Variants in ARHGAP24 observed in about 807,000 individuals in gnomAD.
ARHGAP24 encodes Rho GTPase activating protein 24.
ARHGAP24 carries 50 observed loss-of-function variants against 76.4 expected under a neutral mutation model. The ratio of observed to expected loss-of-function variants is 0.65; its 90% CI spans 0.52 to 0.83. ARHGAP24 has a LOEUF of 0.83. Ranked by LOEUF, ARHGAP24 falls within the 40% of genes least tolerant of loss-of-function variation. The probability of loss-of-function intolerance (pLI) is 0.00; values close to 1 mark genes in which losing one functional copy is unlikely to be tolerated. For missense variants in ARHGAP24, 930 were observed against 914.2 expected, an observed-to-expected ratio of 1.02 and a Z score of -0.22; for synonymous variants, 345 against 323.3, an observed-to-expected ratio of 1.07 and a Z score of -0.72.
chr4:85,686,829 A>C (rs995553038), intron 2 of ARHGAP24, among the ~76,000 whole-genome samples: 4 of 141,632 alleles, frequency 2.8e-5, no homozygotes, highest in African/African-American at 1.0e-4. Context: ...CACAATTATA[A>C]CATTGTATTA....
chr4:85,529,443 C>G (rs1484067004), intron 1 of ARHGAP24, among the ~76,000 whole-genome samples: 5 of 151,986 alleles, frequency 3.3e-5, no homozygotes, highest in African/African-American at 1.2e-4. Flanking sequence ...TGTCGGAGAA[C>G]CTACTGAAGT....
At chr4:85,816,203 C>A (rs1366299569) in intron 3 of ARHGAP24, among the ~76,000 whole-genome samples, 1 of 152,206 alleles carries the variant, frequency 6.6e-6, no homozygotes, top group East Asian at 1.9e-4. Flanking sequence ...TTCAAGTACA[C>A]ACTAGAGTGT....
At chr4:85,849,041 A>G (rs1359740698) in intron 3 of ARHGAP24, among the ~76,000 whole-genome samples, 2 of 148,744 alleles carry the variant, frequency 1.3e-5, no homozygotes, top group African/African-American at 4.9e-5. Context: ...CTTGGGCAGT[A>G]TGGCCATTTT....
intron 2 of ARHGAP24, among the ~76,000 whole-genome samples, chr4:85,598,441 T>C (rs913879658): frequency 6.6e-6 from 1 of 152,048 alleles, no homozygotes; most frequent in Non-Finnish European, 1.5e-5. Flanking sequence ...AATGGGTAAA[T>C]TTCTCTTCCC....
intron 1 of ARHGAP24, among the ~76,000 whole-genome samples, chr4:85,515,511 T>TATATATATATATATATAGTTAC: frequency 6.6e-6 from 1 of 151,694 alleles, no homozygotes. Flanking sequence ...TATATTCTTA[T>TATATATATATATATATAGTTAC]TCTTTTTTAT....
At chr4:85,836,485 A>C (rs559166159) in intron 3 of ARHGAP24, among the ~76,000 whole-genome samples, 1 of 152,192 alleles carries the variant, frequency 6.6e-6, no homozygotes, top group African/African-American at 2.4e-5. Flanking sequence ...CTGTCTTCCT[A>C]TGTTTCTCAA....
intron 1 of ARHGAP24, among the ~76,000 whole-genome samples, chr4:85,533,332 A>G (rs978852438): frequency 6.6e-6 from 1 of 152,212 alleles, no homozygotes; most frequent in African/African-American, 2.4e-5. Flanking sequence ...CTAGATAAGT[A>G]TACTTTGGTG....
chr4:85,759,964 G>A (rs911321970), intron 3 of ARHGAP24, among the ~76,000 whole-genome samples: 2 of 152,130 alleles, frequency 1.3e-5, no homozygotes, highest in South Asian at 2.1e-4. Context: ...AAGAAAACGT[G>A]TCTCATTAAC....
intron 3 of ARHGAP24, among the ~76,000 whole-genome samples, chr4:85,866,459 T>G (rs1344860411): frequency 6.6e-6 from 1 of 152,118 alleles, no homozygotes; most frequent in Non-Finnish European, 1.5e-5. Context: ...TTGTTTTGTT[T>G]CCCCCACATG....
chr4:85,768,354 CAG>C (rs1727005958), intron 3 of ARHGAP24, among the ~76,000 whole-genome samples: 1 of 152,030 alleles, frequency 6.6e-6, no homozygotes, highest in Non-Finnish European at 1.5e-5. Context: ...AGCTCAAAGA[CAG>C]AGTGATAATA....
chr4:85,988,202 A>G (rs922183499), intron 8 of ARHGAP24, among the ~76,000 whole-genome samples: 1 of 151,916 alleles, frequency 6.6e-6, no homozygotes, highest in Non-Finnish European at 1.5e-5. Flanking sequence ...CAGAAGGAAT[A>G]TGAGTCCAGA....
chr4:85,488,375 C>A (rs964121212), intron 1 of ARHGAP24, among the ~76,000 whole-genome samples: 3 of 152,066 alleles, frequency 2.0e-5, no homozygotes. Flanking sequence ...AATAAAAAGT[C>A]TTTTAATCTT....
chr4:85,661,528 TA>T (rs2109992347), intron 2 of ARHGAP24, among the ~76,000 whole-genome samples: 1 of 152,318 alleles, frequency 6.6e-6, no homozygotes, highest in African/African-American at 2.4e-5. Flanking sequence ...CTTTTTTTTT[TA>T]ATTATACTTT....
At chr4:85,577,077 T>G (rs1356681109) in intron 2 of ARHGAP24, among the ~76,000 whole-genome samples, 1 of 151,604 alleles carries the variant, frequency 6.6e-6, no homozygotes, top group East Asian at 1.9e-4. Context: ...TAAATTAATA[T>G]GAGAAAAATA....
chr4:85,501,414 A>G (rs11097057), intron 1 of ARHGAP24, among the ~76,000 whole-genome samples: 147,301 of 152,312 alleles, frequency 0.97, 71,392 homozygotes, highest in East Asian at 1. Flanking sequence ...GATGATGGCC[A>G]TTCTAACTGG....
At chr4:85,961,989 TAGGC>T (rs1355825411) in intron 5 of ARHGAP24, among the ~76,000 whole-genome samples, 2 of 152,100 alleles carry the variant, frequency 1.3e-5, no homozygotes, top group Admixed American at 6.6e-5. Flanking sequence ...GAAAAACATG[TAGGC>T]AGGCAGAATA....
chr4:85,560,092 A>C (rs1726533626), intron 1 of ARHGAP24, among the ~76,000 whole-genome samples: 1 of 152,168 alleles, frequency 6.6e-6, no homozygotes, highest in East Asian at 1.9e-4. Flanking sequence ...CACAAGCAGC[A>C]GTTCTTTCTT....
At chr4:85,501,881 T>A (rs1723833667) in intron 1 of ARHGAP24, among the ~76,000 whole-genome samples, 1 of 152,156 alleles carries the variant, frequency 6.6e-6, no homozygotes, top group African/African-American at 2.4e-5. Flanking sequence ...CTTTAATCCA[T>A]CTTGAATTAA....
At chr4:85,852,747 A>G (rs1435155089) in intron 3 of ARHGAP24, among the ~76,000 whole-genome samples, 1 of 152,096 alleles carries the variant, frequency 6.6e-6, no homozygotes, top group African/African-American at 2.4e-5. Context: ...CTAGAGGTCC[A>G]CTCCAGACAC....
Sources: gnomAD v4.1 joint callset for allele counts (sites outside exome capture counted in the v4.1 genomes callset) on GRCh38, gnomAD v4.1.1 for gene constraint, MANE v1.5 for transcripts, NCBI Gene and HGNC (gene_info 2026-07-23, HGNC 2026-07-21) for gene names.